The following GRID2 variants were observed in gnomAD, a reference collection of about 807,000 sequenced individuals.
The protein encoded by GRID2 is glutamate ionotropic receptor delta type subunit 2, also known as glutamate receptor ionotropic, delta-2.
In GRID2, 33 loss-of-function variants were observed where a neutral mutation model predicts 114.8. That is an observed-to-expected ratio of 0.29 (90% CI 0.22 to 0.38). The LOEUF (loss-of-function observed/expected upper bound fraction) is 0.38. Ranked by LOEUF, GRID2 falls within the 10% of genes least tolerant of loss-of-function variation. The pLI is 1.00. For synonymous variants in GRID2, 505 were observed against 449.9 expected (o/e 1.12, Z -1.55); for missense variants, 1,184 against 1,257.7 (o/e 0.94, Z 0.89).
Position 92,674,337 on chromosome 4 carries a change from A to G in GRID2, c.244+84051A>G, listed in dbSNP as rs559718104. ...TTATGTATTTATTTTTTTCCTTTCT[A>G]TACTTCAGTTCAATAGATTGGTCTG... On this transcript the variant is annotated intron_variant, in intron 2 of 15. Transcript: ENST00000282020. Among the ~76,000 whole-genome samples, 16 of 151,834 alleles carry G rather than the reference A, an allele frequency of 1.1e-4. No individual in the cohort carries two copies. The South Asian group carries it at 2.3e-3, about 22-fold the overall frequency.
intron 2 of GRID2, among the ~76,000 whole-genome samples, chr4:93,061,355 G>A (rs760417473): frequency 2.0e-5 from 3 of 151,498 alleles, no homozygotes; most frequent in African/African-American, 4.9e-5. Context: ...GGGGACCAGC[G>A]GCTAGATAGA....
At chr4:93,615,230 TA>T (rs1252382366) in intron 13 of GRID2, among the ~76,000 whole-genome samples, 1 of 152,220 alleles carries the variant, frequency 6.6e-6, no homozygotes, top group African/African-American at 2.4e-5. Flanking sequence ...AGCTTTCTTT[TA>T]AAGGCCAGGC....
chr4:92,361,780 C>A (rs1237488894), intron 1 of GRID2, among the ~76,000 whole-genome samples: 1 of 151,930 alleles, frequency 6.6e-6, no homozygotes, highest in African/African-American at 2.4e-5. Flanking sequence ...ACGCATGATT[C>A]TTGTAATCTG....
At chr4:92,675,838 G>GCT (rs1308790333) in intron 2 of GRID2, among the ~76,000 whole-genome samples, 4 of 151,934 alleles carry the variant, frequency 2.6e-5, no homozygotes, top group African/African-American at 9.7e-5. Flanking sequence ...ACAGGCGTGA[G>GCT]CTACCACGCC....
At chr4:93,556,815 G>A (rs561899131) in intron 13 of GRID2, among the ~76,000 whole-genome samples, 2 of 152,078 alleles carry the variant, frequency 1.3e-5, no homozygotes, top group Admixed American at 6.6e-5. Context: ...CAAGGTAGAA[G>A]GACAAACTGT....
chr4:92,971,342 A>G (rs1452231915), intron 2 of GRID2, among the ~76,000 whole-genome samples: 1 of 152,054 alleles, frequency 6.6e-6, no homozygotes, highest in Non-Finnish European at 1.5e-5. Flanking sequence ...TTATGTTGCA[A>G]TCAAATCCTA....
At chr4:93,690,783 G>A (rs1209113142) in intron 14 of GRID2, among the ~76,000 whole-genome samples, 1 of 151,248 alleles carries the variant, frequency 6.6e-6, no homozygotes, top group African/African-American at 2.4e-5. Flanking sequence ...TATCTGGTTT[G>A]AACTTTGAAC....
At chr4:92,591,002 G>A (rs530830421) in intron 2 of GRID2, among the ~76,000 whole-genome samples, 38 of 152,242 alleles carry the variant, frequency 2.5e-4, no homozygotes, top group African/African-American at 9.1e-4. Context: ...GATCCAGAAA[G>A]CACTCACTTT....
chr4:92,449,710 T>TATATATAAAA (rs1266661271), intron 1 of GRID2, among the ~76,000 whole-genome samples: 16 of 131,718 alleles, frequency 1.2e-4, no homozygotes, highest in Admixed American at 4.7e-4. Flanking sequence ...TATATATATA[T>TATATATAAAA]AACACTTAAG....
At chr4:92,927,307 C>A (rs772085633) in intron 2 of GRID2, among the ~76,000 whole-genome samples, 5 of 151,818 alleles carry the variant, frequency 3.3e-5, no homozygotes, top group Non-Finnish European at 5.9e-5. Context: ...TTTTATCTTA[C>A]TTGCTATAAT....
chr4:93,481,994 C>A (rs1159858457), intron 11 of GRID2, among the ~76,000 whole-genome samples: 2 of 151,866 alleles, frequency 1.3e-5, no homozygotes, highest in Non-Finnish European at 2.9e-5. Context: ...TTCACTAATG[C>A]AACTTAAAAG....
intron 4 of GRID2, among the ~76,000 whole-genome samples, chr4:93,114,154 A>T (rs1418797736): frequency 6.6e-6 from 1 of 152,128 alleles, no homozygotes. Context: ...AAGAATATTG[A>T]TGAGCTAAGA....
chr4:92,819,946 T>C (rs1325001400), intron 2 of GRID2, among the ~76,000 whole-genome samples: 1 of 152,152 alleles, frequency 6.6e-6, no homozygotes, highest in Non-Finnish European at 1.5e-5. Context: ...TTACTAAGCA[T>C]CAGATATTTT....
chr4:93,075,876 T>C (rs1050307052), intron 2 of GRID2, among the ~76,000 whole-genome samples: 2 of 143,986 alleles, frequency 1.4e-5, no homozygotes, highest in Admixed American at 6.9e-5. Flanking sequence ...ATGTCGAAGT[T>C]ACCTCTCTTT....
chr4:93,018,358 T>C, intron 2 of GRID2, among the ~76,000 whole-genome samples: 1 of 152,154 alleles, frequency 6.6e-6, no homozygotes, highest in Non-Finnish European at 1.5e-5. Context: ...CATTACTTAT[T>C]ACAACTTCAT....
At chr4:93,193,547 C>T (rs1190350436) in intron 4 of GRID2, among the ~76,000 whole-genome samples, 2 of 152,124 alleles carry the variant, frequency 1.3e-5, no homozygotes, top group African/African-American at 4.8e-5. Context: ...TTGTAAGTTT[C>T]CTGAGGCCTC....
At chr4:93,603,218 A>T (rs1739878038) in intron 13 of GRID2, among the ~76,000 whole-genome samples, 1 of 150,490 alleles carries the variant, frequency 6.6e-6, no homozygotes, top group Non-Finnish European at 1.5e-5. Flanking sequence ...CTCAAAAAAA[A>T]AGAAAAGAAA....
intron 1 of GRID2, among the ~76,000 whole-genome samples, chr4:92,470,237 A>T (rs1317489102): frequency 1.3e-5 from 2 of 151,986 alleles, no homozygotes; most frequent in Non-Finnish European, 2.9e-5. Flanking sequence ...TCAATTTGAG[A>T]GAATTTTCAC....
intron 2 of GRID2, among the ~76,000 whole-genome samples, chr4:92,823,621 A>G (rs1433232576): frequency 1.3e-5 from 2 of 152,186 alleles, no homozygotes; most frequent in Non-Finnish European, 2.9e-5. Flanking sequence ...TAGATTAAAA[A>G]TGTATCTAGA....
Sources: gnomAD v4.1 joint callset for allele counts (sites outside exome capture counted in the v4.1 genomes callset) on GRCh38, gnomAD v4.1.1 for gene constraint, MANE v1.5 for transcripts, NCBI Gene and HGNC (gene_info 2026-07-23, HGNC 2026-07-21) for gene names.